Variants in CNTFR observed in about 807,000 individuals in gnomAD.
CNTFR encodes ciliary neurotrophic factor receptor subunit alpha.
CNTFR carries 12 observed loss-of-function variants against 40.4 expected under a neutral mutation model. The observed-to-expected ratio is 0.30, with a 90% confidence interval of 0.19 to 0.48. The LOEUF is 0.48. CNTFR is among the 20% of genes least tolerant of loss of function. CNTFR has a pLI of 0.99. For synonymous variants in CNTFR, 202 were observed against 209.6 expected (o/e 0.96, Z 0.31); for missense variants, 414 against 506.8 (o/e 0.82, Z 1.76).
At chr9:34,562,964 T>C (rs1587132089) in intron 4 of CNTFR, among the ~76,000 whole-genome samples, 3 of 152,320 alleles carry the variant, frequency 2.0e-5, no homozygotes, top group African/African-American at 7.2e-5. Flanking sequence ...TAAATGCTGA[T>C]GGTCTTTAGG....
At chr9:34,559,616 G>C (rs991861220) in intron 4 of CNTFR, among the ~76,000 whole-genome samples, 18 of 152,248 alleles carry the variant, frequency 1.2e-4, no homozygotes, top group Admixed American at 5.2e-4. Flanking sequence ...AACTCTGCCT[G>C]GGGGTGGGGT....
chr9:34,562,368 T>C (rs1256345946), intron 4 of CNTFR, among the ~76,000 whole-genome samples: 2 of 152,156 alleles, frequency 1.3e-5, no homozygotes, highest in African/African-American at 4.8e-5. Context: ...ACCCATGGCT[T>C]GCAACTAAAA....
At chr9:34,559,944 C>T (rs999948585) in intron 4 of CNTFR, among the ~76,000 whole-genome samples, 4 of 152,108 alleles carry the variant, frequency 2.6e-5, no homozygotes, top group Non-Finnish European at 5.9e-5. Context: ...CAACCTCCCC[C>T]TCACGCCAGT....
chr9:34,578,797 C>T (rs1287260412), intron 2 of CNTFR, among the ~76,000 whole-genome samples: 1 of 152,234 alleles, frequency 6.6e-6, no homozygotes, highest in Non-Finnish European at 1.5e-5. Flanking sequence ...AAGTTACTTC[C>T]AGTGCTGGGA....
intron 1 of CNTFR, among the ~76,000 whole-genome samples, chr9:34,584,868 T>G (rs1827475552): frequency 6.6e-6 from 1 of 152,174 alleles, no homozygotes; most frequent in African/African-American, 2.4e-5. Flanking sequence ...GAGCCTATCC[T>G]CTGCACTCCT....
chr9:34,579,105 G>A (rs910117034), intron 2 of CNTFR, among the ~76,000 whole-genome samples: 19 of 152,208 alleles, frequency 1.2e-4, no homozygotes, highest in Non-Finnish European at 2.6e-4. Flanking sequence ...GCATGGGGTC[G>A]GGGGCACCAG....
At chr9:34,573,978 G>T (rs1034223586) in intron 2 of CNTFR, among the ~76,000 whole-genome samples, 2 of 152,212 alleles carry the variant, frequency 1.3e-5, no homozygotes, top group Non-Finnish European at 1.5e-5. Context: ...ACTGGCTGAG[G>T]GGGGAGCCTG....
chr9:34,557,442 C>T lies in CNTFR; in HGVS notation c.604+84G>A, dbSNP rs565651839. ...TACATGCCATGTATACATGTGCATG[C>T]ATGTGGACATCCCCACCAATGGCAC... On this transcript the variant is annotated intron_variant, in intron 6 of 9. Transcript: ENST00000378980. The surrounding 1 kb of genome is among the most constrained non-coding windows in gnomAD (Gnocchi z 4.2). The T allele has an allele frequency of 6.1e-6, 9 of 1,466,566 alleles. No homozygotes were observed. In the South Asian group the frequency reaches 1.1e-4, roughly 18 times the overall value. 90.8% of individuals were successfully genotyped at this position (1,466,566 alleles called of 1,614,324 possible).
rs116179937 is a variant in CNTFR, at chr9:34,568,782, T to C, written c.85+115A>G. 1,556 of 892,602 alleles carry C rather than the reference T, an allele frequency of 1.7e-3. 13 individuals are homozygous for C. The African/African-American group carries it at 0.022, about 13-fold the overall frequency. 55.3% of individuals were successfully genotyped at this position (892,602 alleles called of 1,614,324 possible). ...GACTCCATGTCCCTCTGGGTGGTCA[T>C]GTGTGACAATGCCAGTGTGTGACTC... On this transcript the variant is annotated intron_variant, in intron 3 of 9. Coordinates refer to ENST00000378980, the MANE Select transcript of CNTFR (RefSeq NM_147164.3).
intron 1 of CNTFR, among the ~76,000 whole-genome samples, chr9:34,587,056 T>C (rs1028002497): frequency 5.9e-5 from 9 of 152,206 alleles, no homozygotes; most frequent in African/African-American, 2.2e-4. Context: ...AATGTCCATC[T>C]AAGTGTGAAC....
intron 2 of CNTFR, among the ~76,000 whole-genome samples, chr9:34,577,654 C>T (rs1174447289): frequency 1.3e-5 from 2 of 152,088 alleles, no homozygotes. Context: ...TCTGTAGCCC[C>T]CCTTCCACTC....
At chr9:34,556,511 C>A in intron 6 of CNTFR, 93 bp from the exon 7 acceptor site, 1 of 1,244,460 alleles carries the variant, frequency 8.0e-7, no homozygotes, top group Non-Finnish European at 1.1e-6. Flanking sequence ...CTCATATTGC[C>A]AACCATTGTC....
chr9:34,590,422 G>T (rs1215493947), upstream of CNTFR, among the ~76,000 whole-genome samples: 3 of 152,124 alleles, frequency 2.0e-5, no homozygotes, highest in Non-Finnish European at 4.4e-5. Context: ...CCCACTTTGG[G>T]CAGAAGAAGC....
intron 2 of CNTFR, among the ~76,000 whole-genome samples, 169 bp downstream of exon 2, chr9:34,580,926 T>A (rs756895706): frequency 2.2e-4 from 33 of 152,048 alleles, no homozygotes; most frequent in Non-Finnish European, 3.5e-4. Flanking sequence ...TTTGAGAGCA[T>A]GAAAAGCCTC....
rs1436115749 is a variant in CNTFR at position 34,574,825 on chromosome 9, GCGTGCCCTGCTGCA to G, written c.1-5858_1-5845del. 2.0e-5 allele frequency among the ~76,000 whole-genome samples: 3 copies of G among 152,356 alleles called. No individual in the cohort carries two copies. In the East Asian group the frequency reaches 5.8e-4, roughly 29 times the overall value. On this transcript the variant is annotated intron_variant, in intron 2 of 9. Coordinates refer to ENST00000378980, the MANE Select transcript of CNTFR (RefSeq NM_147164.3). Reference sequence around the variant, plus strand: ...CGTGGGGACCCTGAGATCAGCATGTGCGTGCCCTGCTGCACGTGTGTGCGGGCGTGTTGTTGGGG... The same window carrying G: ...CGTGGGGACCCTGAGATCAGCATGTGCGTGTGTGCGGGCGTGTTGTTGGGG...
intron 3 of CNTFR, among the ~76,000 whole-genome samples, chr9:34,567,271 C>T (rs368913695): frequency 3.9e-5 from 6 of 152,186 alleles, no homozygotes; most frequent in South Asian, 4.1e-4. Flanking sequence ...GAGACAGAGA[C>T]GGGATGAGGT....
intron 2 of CNTFR, among the ~76,000 whole-genome samples, chr9:34,571,762 G>A (rs1826670611): frequency 6.6e-6 from 1 of 152,068 alleles, no homozygotes; most frequent in Admixed American, 6.5e-5. Flanking sequence ...GACACTGCAG[G>A]GTTGGGGGCA....
chr9:34,574,342 T>A (rs1200291906), intron 2 of CNTFR, among the ~76,000 whole-genome samples: 1 of 152,158 alleles, frequency 6.6e-6, no homozygotes, highest in African/African-American at 2.4e-5. Flanking sequence ...TTTTCCCTCC[T>A]CTCTGAATCC....
intron 2 of CNTFR, among the ~76,000 whole-genome samples, chr9:34,576,256 C>T (rs1210216998): frequency 6.6e-6 from 1 of 152,218 alleles, no homozygotes; most frequent in Non-Finnish European, 1.5e-5. Context: ...GCCCCGTACA[C>T]GCTGGTGTGC....
Sources: gnomAD v4.1 joint callset for allele counts (sites outside exome capture counted in the v4.1 genomes callset) on GRCh38, gnomAD v4.1.1 for gene constraint, Gnocchi (gnomAD v3.1) non-coding constraint, MANE v1.5 for transcripts, NCBI Gene and HGNC (gene_info 2026-07-23, HGNC 2026-07-21) for gene names.